The following DOCK8 variants were observed in gnomAD, a reference collection of about 807,000 sequenced individuals.
DOCK8 encodes dedicator of cytokinesis protein 8.
Under a neutral mutation model 245.6 loss-of-function variants are expected in DOCK8, and 141 were observed. The ratio of observed to expected loss-of-function variants is 0.57; its 90% CI spans 0.50 to 0.66. The LOEUF (loss-of-function observed/expected upper bound fraction) is 0.66, where lower values mean the gene tolerates loss of function less well. Ranked by LOEUF, DOCK8 falls within the 30% of genes least tolerant of loss-of-function variation. The probability of loss-of-function intolerance (pLI) is 0.00; values close to 1 mark genes in which losing one functional copy is unlikely to be tolerated. For missense variants in DOCK8, 2,965 were observed against 2,603.4 expected, an observed-to-expected ratio of 1.14 and a Z score of -3.02; for synonymous variants, 1,168 against 970.2, an observed-to-expected ratio of 1.20 and a Z score of -3.79.
chr9:407,139 C>T, intron 28 of DOCK8, 70 bp downstream of exon 28: 1 of 1,601,160 alleles, frequency 6.2e-7, no homozygotes. Flanking sequence ...AATTTGCAGT[C>T]TAGCTTCTCA....
intron 39 of DOCK8, among the ~76,000 whole-genome samples, chr9:436,939 A>G (rs1228218706): frequency 2.6e-5 from 4 of 152,206 alleles, no homozygotes; most frequent in African/African-American, 9.6e-5. Flanking sequence ...GGGTCAGGGA[A>G]GGGTGAAGAA....
intron 14 of DOCK8, among the ~76,000 whole-genome samples, chr9:357,587 A>ATTTTTTTTTTTTT (rs112232586): frequency 1.5e-3 from 222 of 147,348 alleles, no homozygotes; most frequent in African/African-American, 5.4e-3. Context: ...ATTTGATACC[A>ATTTTTTTTTTTTT]TTTTTTTTTT....
chr9:386,914 C>T (rs947910343), intron 23 of DOCK8, among the ~76,000 whole-genome samples: 5 of 152,138 alleles, frequency 3.3e-5, no homozygotes, highest in Admixed American at 3.3e-4. Flanking sequence ...TGAAATGCTT[C>T]CTCATAATTC....
chr9:303,289 A>G (rs2049642331), intron 4 of DOCK8, among the ~76,000 whole-genome samples: 2 of 152,242 alleles, frequency 1.3e-5, no homozygotes, highest in Non-Finnish European at 2.9e-5. Flanking sequence ...TACTGGGTCT[A>G]TACCCAAAGG....
chr9:371,350 G>C, intron 16 of DOCK8, 78 bp from the exon 17 acceptor site: 5 of 1,562,332 alleles, frequency 3.2e-6, no homozygotes, highest in Non-Finnish European at 4.4e-6. Flanking sequence ...GAGGAGCAAA[G>C]GGGCTGTGGC....
intron 1 of DOCK8, among the ~76,000 whole-genome samples, chr9:234,779 A>T (rs1232820488): frequency 6.6e-6 from 1 of 151,428 alleles, no homozygotes; most frequent in African/African-American, 2.4e-5. Context: ...TGCATTGGTT[A>T]TTCTAGTTAT....
At chr9:305,712 C>T (rs1041017739) in intron 5 of DOCK8, among the ~76,000 whole-genome samples, 23 of 152,162 alleles carry the variant, frequency 1.5e-4, no homozygotes, top group African/African-American at 5.1e-4. Context: ...TGAAGAACTC[C>T]AGCAAACACT....
intron 8 of DOCK8, among the ~76,000 whole-genome samples, chr9:327,327 TATGC>T (rs943859391): frequency 1.2e-4 from 19 of 152,132 alleles, no homozygotes; most frequent in African/African-American, 3.9e-4. Context: ...TGCTTCTTTG[TATGC>T]ATGTGGTGAC....
At chr9:422,007 C>A in intron 32 of DOCK8, 41 bp from the exon 33 acceptor site, 1 of 1,529,480 alleles carries the variant, frequency 6.5e-7, no homozygotes, top group Non-Finnish European at 9.1e-7. Context: ...TGGAGGGTTT[C>A]ATGCTAATCA....
intron 10 of DOCK8, among the ~76,000 whole-genome samples, chr9:333,414 A>G (rs530320401): frequency 1.3e-5 from 2 of 152,136 alleles, no homozygotes; most frequent in East Asian, 1.9e-4. Flanking sequence ...ATCCTGGCCA[A>G]CACGGTGAAA....
At chr9:411,288 C>T (rs1482075317) in intron 28 of DOCK8, among the ~76,000 whole-genome samples, 1 of 152,058 alleles carries the variant, frequency 6.6e-6, no homozygotes, top group Non-Finnish European at 1.5e-5. Flanking sequence ...TGGCGGGAAC[C>T]TGTAATCCCA....
At chr9:377,836 C>G (rs2053583163) in intron 20 of DOCK8, among the ~76,000 whole-genome samples, 2 of 152,196 alleles carry the variant, frequency 1.3e-5, no homozygotes, top group African/African-American at 2.4e-5. Context: ...CAAGTTAACA[C>G]TAAATACAAT....
In DOCK8 at chr9:384,644, C is replaced by G. The variant is rs116889119; in HGVS notation, c.2779-1687C>G. On this transcript the variant is annotated intron_variant, in intron 22 of 47. Coordinates refer to ENST00000432829, the MANE Select transcript of DOCK8 (RefSeq NM_203447.4). ...TAAAAACACTGGATTTGGCCGGGCA[C>G]CGTGGCTCATGCCAGTAATCCCAGC... Among the ~76,000 whole-genome samples the G allele has an allele frequency of 2.1e-3, 315 of 152,350 alleles. 4 individuals carry two copies. Among genetic ancestry groups the G allele is most frequent in the Non-Finnish European group, 2.4e-3 (161 of 68,038 alleles).
At chr9:242,744 G>A (rs555284998) in intron 1 of DOCK8, among the ~76,000 whole-genome samples, 3 of 151,470 alleles carry the variant, frequency 2.0e-5, no homozygotes, top group South Asian at 4.2e-4. Context: ...TGCCACCAAC[G>A]AGTCAAAACT....
At chr9:431,948 C>G (rs1420675399) in intron 36 of DOCK8, among the ~76,000 whole-genome samples, 1 of 152,190 alleles carries the variant, frequency 6.6e-6, no homozygotes, top group African/African-American at 2.4e-5. Context: ...GGGAGCCTGA[C>G]AGATTTATGT....
chr9:325,877 C>G, intron 8 of DOCK8, 140 bp downstream of exon 8: 1 of 810,078 alleles, frequency 1.2e-6, no homozygotes, highest in Non-Finnish European at 2.0e-6. Context: ...GTTCTGTTGC[C>G]TTTGCAATTT....
At chr9:281,448 A>ATCC (rs2048581416) in intron 2 of DOCK8, among the ~76,000 whole-genome samples, 1 of 152,126 alleles carries the variant, frequency 6.6e-6, no homozygotes, top group Admixed American at 6.5e-5. Context: ...AAAACAGTTA[A>ATCC]TTTTCATGTT....
chr9:362,517 T>G (rs2052777769), intron 14 of DOCK8, among the ~76,000 whole-genome samples: 1 of 152,198 alleles, frequency 6.6e-6, no homozygotes, highest in Non-Finnish European at 1.5e-5. Context: ...AGGTCATCCC[T>G]GCAACCAGTT....
At chr9:274,970 A>G (rs2048285617) in intron 2 of DOCK8, among the ~76,000 whole-genome samples, 1 of 152,166 alleles carries the variant, frequency 6.6e-6, no homozygotes, top group South Asian at 2.1e-4. Context: ...GTTATTTAGA[A>G]CCTAATCATT....
Sources: allele counts gnomAD v4.1 joint callset (sites outside exome capture counted in the v4.1 genomes callset), GRCh38; gene constraint gnomAD v4.1.1; transcripts MANE v1.5; gene names NCBI Gene and HGNC (gene_info 2026-07-23, HGNC 2026-07-21).